The following DET1 variants were observed in gnomAD, a reference collection of about 807,000 sequenced individuals.
DET1 encodes DET1 partner of COP1 E3 ubiquitin ligase, also known as DET1 homolog.
A neutral mutation model predicts 43.7 loss-of-function variants in DET1; 22 were observed. The ratio of observed to expected loss-of-function variants is 0.50; its 90% CI spans 0.36 to 0.72. The LOEUF (loss-of-function observed/expected upper bound fraction) is 0.72, where lower values mean the gene tolerates loss of function less well. Ranked by LOEUF, DET1 falls within the 30% of genes least tolerant of loss-of-function variation. The probability of loss-of-function intolerance (pLI) is 0.00; values close to 1 mark genes in which losing one functional copy is unlikely to be tolerated. For synonymous variants in DET1, 315 were observed against 266.2 expected, an observed-to-expected ratio of 1.18 and a Z score of -1.79; for missense variants, 713 against 713.3, an observed-to-expected ratio of 1.00 and a Z score of 0.00.
intron 1 of DET1, among the ~76,000 whole-genome samples, chr15:88,541,831 C>T (rs367844427): frequency 2.2e-4 from 33 of 152,182 alleles, no homozygotes; most frequent in African/African-American, 8.0e-4. Flanking sequence ...GCCAGTTCGG[C>T]TCCCCCTGTT....
In DET1 at chr15:88,529,681, C is replaced by T. The variant is rs2056761902; in HGVS notation, c.1083+942G>A. On this transcript the variant is annotated intron_variant, in intron 2 of 4. Coordinates refer to ENST00000268148, the MANE Select transcript of DET1 (RefSeq NM_001144074.3). ...AAGAGATACCAAACTCAGTTGACTT[C>T]GTGGTTTACTGATTTGCTGGTTGTT... is the stretch of plus-strand genomic sequence containing the variant. Among the ~76,000 whole-genome samples the T allele has an allele frequency of 2.6e-5, 4 of 152,258 alleles. No homozygotes were observed. In the Middle Eastern group the frequency reaches 0.01, roughly 388 times the overall value.
intron 1 of DET1, among the ~76,000 whole-genome samples, chr15:88,534,498 C>G (rs1433435277): frequency 6.6e-6 from 1 of 152,182 alleles, no homozygotes; most frequent in Admixed American, 6.5e-5. Context: ...ATTTTGTCAT[C>G]AGAGGATCAA....
intron 3 of DET1, among the ~76,000 whole-genome samples, chr15:88,522,015 G>C (rs2142279413): frequency 6.6e-6 from 1 of 152,096 alleles, no homozygotes; most frequent in African/African-American, 2.4e-5. Flanking sequence ...AGGTACCAAT[G>C]TGACATTACT....
rs2056225523 is a variant in DET1, at chr15:88,512,694, T to C, written c.*257A>G. 1 of 1,214,694 alleles carries C rather than the reference T, an allele frequency of 8.2e-7. No homozygotes were observed. Among genetic ancestry groups the C allele is most frequent in the Non-Finnish European group, 1.0e-6 (1 of 975,850 alleles). The allele number at this position is 1,214,694 out of a possible 1,614,324, so 75.2% of individuals were successfully genotyped here. A position where few individuals can be genotyped will look rare whatever the true frequency, so the allele number is the denominator to read the frequency against. On this transcript the variant is annotated 3_prime_UTR_variant, in exon 5 of 5. Coordinates refer to ENST00000268148, the MANE Select transcript of DET1 (RefSeq NM_001144074.3). ...AATGCAAAGTAAAGCAAAAATGAAA[T>C]GGACTTAATTAATGCTGGGCATTCC...
chr15:88,522,485 T>C (rs2142280707), intron 3 of DET1, among the ~76,000 whole-genome samples: 1 of 148,120 alleles, frequency 6.8e-6, no homozygotes, highest in African/African-American at 2.5e-5. Flanking sequence ...TTTCCAAAAG[T>C]TTCTCATTGT....
chr15:88,505,472 G>C (rs72760101), intron 7 of DET1: 5 of 152,286 alleles, frequency 3.3e-5, no homozygotes, highest in Non-Finnish European at 7.3e-5. Flanking sequence ...GCCTTTCTGA[G>C]TATAAAACCA....
intron 7 of DET1, chr15:88,505,806 G>A (rs2056134110): frequency 6.6e-6 from 1 of 152,210 alleles, no homozygotes. Context: ...TTTAATAAAT[G>A]TTAGCCATCA....
chr15:88,532,970 T>G (rs902138573), intron 1 of DET1, among the ~76,000 whole-genome samples: 1 of 152,156 alleles, frequency 6.6e-6, no homozygotes, highest in East Asian at 1.9e-4. Flanking sequence ...ACTTCTGTGA[T>G]CAAAGGACAC....
chr15:88,531,797 C>A lies in DET1; in HGVS notation c.-10-82G>T. The A allele has an allele frequency of 7.4e-7, 1 of 1,348,850 alleles. No homozygotes were observed. Among genetic ancestry groups the A allele is most frequent in the Non-Finnish European group, 9.9e-7 (1 of 1,010,924 alleles). 83.6% of individuals were successfully genotyped at this position (1,348,850 alleles called of 1,614,324 possible). ...AAATATATACAAGTGAAACAGATTT[C>A]TCTTCTTATATCCTGAACCTAGGAG... On this transcript the variant is annotated intron_variant, in intron 1 of 4. Coordinates refer to ENST00000268148, the MANE Select transcript of DET1 (RefSeq NM_001144074.3). The surrounding 1 kb of genome is among the most constrained non-coding windows in gnomAD (Gnocchi z 6.2).
chr15:88,542,292 T>C (rs1314324690), intron 1 of DET1, among the ~76,000 whole-genome samples: 1 of 152,112 alleles, frequency 6.6e-6, no homozygotes, highest in African/African-American at 2.4e-5. Context: ...CCCGGCCTAA[T>C]TGGGACCCAA....
At position 88,531,318 on chromosome 15, in the gene DET1, T is replaced by C. The variant is rs1255003467; in HGVS notation, c.388A>G (p.Ile130Val). The C allele has an allele frequency of 1.2e-6, 2 of 1,613,960 alleles. No homozygotes were observed. Among genetic ancestry groups the C allele is most frequent in the East Asian group, 4.5e-5 (2 of 44,866 alleles). Residue 130 changes from isoleucine (I) to valine (V), a missense_variant, in exon 2 of 5, where the codon ATT becomes GTT. Physicochemically the swap from Ile to Val is conservative, Grantham distance 29. Transcript: ENST00000268148. The surrounding 1 kb of genome is among the most constrained non-coding windows in gnomAD (Gnocchi z 6.2). ...TCACCATTGGCCGCAACATTGGTAA[T>C]GTGCAGCAGGACAAAAAAGCGTTCA... ...LFERFFVLLH[I>V]TNVAANGEHL... is the part of the protein sequence containing the mutation.
intron 1 of DET1, among the ~76,000 whole-genome samples, chr15:88,533,541 CT>C (rs1375308044): frequency 6.6e-6 from 1 of 152,100 alleles, no homozygotes; most frequent in African/African-American, 2.4e-5. Flanking sequence ...CAAAAGTTCA[CT>C]GATGGATGAG....
At chr15:88,542,682 G>A (rs2057141132) in intron 1 of DET1, among the ~76,000 whole-genome samples, 1 of 152,102 alleles carries the variant, frequency 6.6e-6, no homozygotes, top group East Asian at 1.9e-4. Context: ...AGCTGAAAAG[G>A]CCGCTGATAA....
chr15:88,544,702 A>T (rs2057201223), intron 1 of DET1, among the ~76,000 whole-genome samples: 1 of 152,178 alleles, frequency 6.6e-6, no homozygotes. Flanking sequence ...CTCCTGCATC[A>T]AAAAGGCCAA....
At position 88,531,357 on chromosome 15, in the gene DET1, G is replaced by A. The variant is rs779893868; in HGVS notation, c.349C>T (p.Arg117Trp). 1.7e-5 allele frequency: 28 copies of A among 1,613,892 alleles called. No homozygotes were observed. Among genetic ancestry groups the A allele is most frequent in the South Asian group, 7.7e-5 (7 of 91,094 alleles). Residue 117 changes from arginine (R) to tryptophan (W), a missense_variant, in exon 2 of 5, where the codon CGG (arginine) becomes TGG (tryptophan). Physicochemically the swap from Arg to Trp is moderately radical, Grantham distance 101. Coordinates refer to ENST00000268148, the MANE Select transcript of DET1 (RefSeq NM_001144074.3). This position sits in a 1 kb window ranked among gnomAD's most constrained non-coding sequence, Gnocchi z 6.2. ...NGNDQRSVNI[R>W]GRLFERFFVL... ...AAAAAGCGTTCAAAGAGCCGGCCCC[G>A]GATATTCACTGACCGCTGGTCATTG...
Position 88,531,386 on chromosome 15 carries a change from T to A in DET1, c.320A>T (p.Asn107Ile). 6.2e-7 allele frequency: 1 copy of A among 1,614,030 alleles called. No individual in the cohort carries two copies. Among genetic ancestry groups the A allele is most frequent in the Non-Finnish European group, 8.5e-7 (1 of 1,179,896 alleles). ...LQGYEGEILS[N>I]GNDQRSVNIR... ...ATTCACTGACCGCTGGTCATTGCCATTGGACAGGATTTCTCCTTCGTATCC... is the reference window on the plus strand; with the variant it reads ...ATTCACTGACCGCTGGTCATTGCCAATGGACAGGATTTCTCCTTCGTATCC... The change falls in exon 2 of 5, where the codon AAT becomes ATT. Residue 107 changes from asparagine to isoleucine, a missense_variant. Physicochemically the swap from Asn to Ile is moderately radical, Grantham distance 149. Coordinates refer to ENST00000268148, the MANE Select transcript of DET1 (RefSeq NM_001144074.3). This position sits in a 1 kb window ranked among gnomAD's most constrained non-coding sequence, Gnocchi z 6.2.
intron 1 of DET1, among the ~76,000 whole-genome samples, chr15:88,544,510 G>A (rs1394998708): frequency 6.6e-6 from 1 of 152,172 alleles, no homozygotes; most frequent in Admixed American, 6.5e-5. Flanking sequence ...ACTTGTTCAA[G>A]GAAACCATCC....
chr15:88,532,939 T>G (rs2056853953), intron 1 of DET1, among the ~76,000 whole-genome samples: 2 of 151,806 alleles, frequency 1.3e-5, no homozygotes, highest in South Asian at 2.1e-4. Context: ...AATAGACAAA[T>G]GGGAATACAT....
At chr15:88,538,597 T>C (rs2057012347) in intron 1 of DET1, among the ~76,000 whole-genome samples, 1 of 152,120 alleles carries the variant, frequency 6.6e-6, no homozygotes, top group African/African-American at 2.4e-5. Flanking sequence ...GGACTCTTAA[T>C]TAGTCTCAAA....
Sources: gnomAD v4.1 joint callset for allele counts (sites outside exome capture counted in the v4.1 genomes callset) on GRCh38, gnomAD v4.1.1 for gene constraint, Gnocchi (gnomAD v3.1) non-coding constraint, MANE v1.5 for transcripts, NCBI Gene and HGNC (gene_info 2026-07-23, HGNC 2026-07-21) for gene names.